PLCXD2: variants seen among roughly 807,000 people sequenced by gnomAD.
PLCXD2 encodes the protein phosphatidylinositol specific phospholipase C X domain containing 2.
A neutral mutation model predicts 28.6 loss-of-function variants in PLCXD2; 21 were observed. The ratio of observed to expected loss-of-function variants is 0.73; its 90% CI spans 0.52 to 1.06. The LOEUF is 1.06. PLCXD2 is among the 50% of genes least tolerant of loss of function. The pLI, the probability that PLCXD2 is intolerant of heterozygous loss-of-function variation, is 0.00. For synonymous variants in PLCXD2, 140 were observed against 150.1 expected, an observed-to-expected ratio of 0.93 and a Z score of 0.49; for missense variants, 369 against 376.7, an observed-to-expected ratio of 0.98 and a Z score of 0.17.
intron 3 of PLCXD2, among the ~76,000 whole-genome samples, chr3:111,715,311 C>T (rs570105565): frequency 9.2e-5 from 14 of 152,270 alleles, no homozygotes; most frequent in Non-Finnish European, 1.8e-4. Context: ...ACACTGTTTT[C>T]CTCATGCCTC....
intron 1 of PLCXD2, among the ~76,000 whole-genome samples, chr3:111,704,778 G>A (rs1941093845): frequency 6.6e-6 from 1 of 151,652 alleles, no homozygotes; most frequent in South Asian, 2.1e-4. Context: ...ATCCTACAGT[G>A]CTGCAAAACA....
chr3:111,701,382 A>G (rs1053611495), intron 1 of PLCXD2, among the ~76,000 whole-genome samples: 5 of 152,200 alleles, frequency 3.3e-5, no homozygotes, highest in Non-Finnish European at 7.3e-5. Flanking sequence ...AATATTTTAC[A>G]GAGTATCAGC....
At chr3:111,721,534 A>T (rs1941346205) in intron 3 of PLCXD2, 1 of 152,234 alleles carries the variant, frequency 6.6e-6, no homozygotes, top group African/African-American at 2.4e-5. Flanking sequence ...TACCCTTAGT[A>T]TCAGAAACAT....
Position 111,696,336 on chromosome 3 carries a change from T to G in PLCXD2, c.164-11590T>G, listed in dbSNP as rs182609226. 5.2e-4 allele frequency among the ~76,000 whole-genome samples: 79 copies of G among 152,000 alleles called. 1 individual carries two copies. The East Asian group carries it at 0.013, about 25-fold the overall frequency. On this transcript the variant is annotated intron_variant, in intron 1 of 4. Transcript: ENST00000477665. ...ATTAAGATAAAGTGTGAGCAAAGGG[T>G]TTTTTTTGGTCTTTTGTGTTTGGGC...
chr3:111,704,068 T>C (rs1334227432), intron 1 of PLCXD2, among the ~76,000 whole-genome samples: 2 of 152,102 alleles, frequency 1.3e-5, no homozygotes, highest in Admixed American at 6.6e-5. Context: ...TTCAAGAAAA[T>C]TGAAATAATA....
chr3:111,677,935 C>G (rs1940648990), intron 1 of PLCXD2, among the ~76,000 whole-genome samples: 1 of 151,856 alleles, frequency 6.6e-6, no homozygotes. Context: ...GAATTGAAAC[C>G]CAGTAAGTTT....
intron 1 of PLCXD2, among the ~76,000 whole-genome samples, chr3:111,688,673 C>T (rs949468100): frequency 1.8e-4 from 27 of 152,150 alleles, no homozygotes; most frequent in African/African-American, 6.3e-4. Context: ...TTTGATCAGG[C>T]AGGACATTCC....
At chr3:111,709,469 C>T (rs999158441) in intron 2 of PLCXD2, among the ~76,000 whole-genome samples, 2 of 149,540 alleles carry the variant, frequency 1.3e-5, no homozygotes, top group Non-Finnish European at 3.0e-5. Flanking sequence ...TGTGTATATA[C>T]ACACACACAC....
At chr3:111,696,716 A>C (rs763205154) in intron 1 of PLCXD2, among the ~76,000 whole-genome samples, 1 of 152,224 alleles carries the variant, frequency 6.6e-6, no homozygotes. Context: ...ATGCATATCC[A>C]ATATATGTTT....
chr3:111,689,916 T>C (rs893475904), intron 1 of PLCXD2, among the ~76,000 whole-genome samples: 2 of 152,120 alleles, frequency 1.3e-5, no homozygotes, highest in African/African-American at 4.8e-5. Context: ...ATAATAATAA[T>C]AAAAGAAGCA....
chr3:111,714,104 G>C lies in PLCXD2; in HGVS notation c.842G>C (p.Gly281Ala). The change falls in exon 3 of 5, where the codon GGC (glycine) becomes GCC (alanine). Residue 281 changes from glycine (G) to alanine (A), a missense_variant. Physicochemically the swap from Gly to Ala is moderately conservative, Grantham distance 60. Coordinates refer to ENST00000477665, the MANE Select transcript of PLCXD2 (RefSeq NM_001185106.1). ...ACCATTGCCCGGGGCTTGGTTGGGG[G>C]CCTCAAGAACACGCTGGTTCATAGG... 6.2e-7 allele frequency: 1 copy of C among 1,614,082 alleles called. No homozygotes were observed. Among genetic ancestry groups the C allele is most frequent in the Non-Finnish European group, 8.5e-7 (1 of 1,180,022 alleles).
chr3:111,713,930 T>G lies in PLCXD2; in HGVS notation c.668T>G (p.Phe223Cys). 1 of 1,614,142 alleles carries G rather than the reference T, an allele frequency of 6.2e-7. No homozygotes were observed. The highest frequency in any genetic ancestry group is 8.5e-7 in the Non-Finnish European group (1 of 1,180,000). ...TGTCCCTTCTACAAGCAGTACCCCT[T>G]CCTGTGGCCAGGAAAGAAGATTCCA... The change falls in exon 3 of 5, where the codon TTC becomes TGC. Residue 223 changes from phenylalanine (F) to cysteine (C), a missense_variant. Transcript: ENST00000477665.
chr3:111,698,970 C>T (rs919079575), intron 1 of PLCXD2, among the ~76,000 whole-genome samples: 1 of 152,122 alleles, frequency 6.6e-6, no homozygotes, highest in African/African-American at 2.4e-5. Flanking sequence ...ATGTCAGTGC[C>T]TAAAGGCACA....
chr3:111,687,888 G>A (rs1180595862), intron 1 of PLCXD2, among the ~76,000 whole-genome samples: 1 of 151,946 alleles, frequency 6.6e-6, no homozygotes, highest in East Asian at 1.9e-4. Context: ...GGTCAGGCTG[G>A]TCTCAAACTC....
chr3:111,714,325 A>G (rs1473841285), intron 3 of PLCXD2, among the ~76,000 whole-genome samples, 197 bp downstream of exon 3: 1 of 152,242 alleles, frequency 6.6e-6, no homozygotes, highest in Non-Finnish European at 1.5e-5. Context: ...CACTTTGTTC[A>G]TAAGTACACA....
intron 1 of PLCXD2, among the ~76,000 whole-genome samples, chr3:111,688,752 A>AT (rs1940832441): frequency 6.6e-6 from 1 of 152,166 alleles, no homozygotes; most frequent in Non-Finnish European, 1.5e-5. Context: ...TAAGGTTTAA[A>AT]TTTTTTACTA....
At chr3:111,697,604 A>C (rs62275509) in intron 1 of PLCXD2, among the ~76,000 whole-genome samples, 10,044 of 152,194 alleles carry the variant, frequency 0.066, 385 homozygotes, top group South Asian at 0.13. Flanking sequence ...TATTTGAGAA[A>C]ACTGATAGGG....
chr3:111,693,390 C>G (rs1559793329), intron 1 of PLCXD2, among the ~76,000 whole-genome samples: 1 of 152,216 alleles, frequency 6.6e-6, no homozygotes, highest in African/African-American at 2.4e-5. Context: ...CTGCTGCATT[C>G]TACACTAGTG....
intron 2 of PLCXD2, among the ~76,000 whole-genome samples, chr3:111,708,930 G>A (rs1033963877): frequency 2.6e-5 from 4 of 152,112 alleles, no homozygotes; most frequent in Admixed American, 6.5e-5. Context: ...GCCTGTAAGA[G>A]CATTCCATAG....
Sources: gnomAD v4.1 joint callset for allele counts (sites outside exome capture counted in the v4.1 genomes callset) on GRCh38, gnomAD v4.1.1 for gene constraint, MANE v1.5 for transcripts, NCBI Gene and HGNC (gene_info 2026-07-23, HGNC 2026-07-21) for gene names.